Variants in GLDC observed in about 807,000 individuals in gnomAD.
GLDC encodes glycine decarboxylase, also known as glycine dehydrogenase (decarboxylating), mitochondrial.
In GLDC, 104 loss-of-function variants were observed where a neutral mutation model predicts 121.3. The ratio of observed to expected loss-of-function variants is 0.86; its 90% CI spans 0.73 to 1.01. The LOEUF (loss-of-function observed/expected upper bound fraction) is 1.01, where lower values mean the gene tolerates loss of function less well. Among genes scored for constraint, GLDC ranks in the 50% least tolerant of loss-of-function variants. The probability of loss-of-function intolerance (pLI) is 0.00; values close to 1 mark genes in which losing one functional copy is unlikely to be tolerated. For synonymous variants in GLDC, 546 were observed against 480.6 expected (o/e 1.14, Z -1.78); for missense variants, 1,429 against 1,306.6 (o/e 1.09, Z -1.44).
chr9:6,572,627 A>G (rs7027289), intron 15 of GLDC, among the ~76,000 whole-genome samples: 82,271 of 151,978 alleles, frequency 0.54, 22,775 homozygotes, highest in African/African-American at 0.6. Flanking sequence ...CTGGATGGAC[A>G]GACCAAAGGA....
intron 21 of GLDC, among the ~76,000 whole-genome samples, chr9:6,546,601 G>A (rs950186225): frequency 1.3e-5 from 2 of 151,976 alleles, no homozygotes; most frequent in South Asian, 2.1e-4. Context: ...AATACCTCCT[G>A]AAGGACCGCC....
intron 15 of GLDC, chr9:6,567,088 A>T (rs1037709798): frequency 6.6e-6 from 1 of 152,108 alleles, no homozygotes; most frequent in African/African-American, 2.4e-5. Flanking sequence ...TTCTAGCAGA[A>T]GTCTTGTCTG....
intron 3 of GLDC, 76 bp from the exon 4 acceptor site, chr9:6,610,432 T>A: frequency 3.5e-6 from 5 of 1,414,058 alleles, no homozygotes; most frequent in Non-Finnish European, 5.0e-6. Context: ...CATTTCAGAA[T>A]TCAGTACCTG....
At chr9:6,595,210 CA>C in intron 8 of GLDC, 91 bp from the exon 9 acceptor site, 1 of 869,472 alleles carries the variant, frequency 1.2e-6, no homozygotes. Context: ...AAACTGAAGA[CA>C]GCGACAAAAC....
intron 24 of GLDC, among the ~76,000 whole-genome samples, chr9:6,534,372 C>G (rs1053478426): frequency 6.7e-6 from 1 of 149,674 alleles, no homozygotes; most frequent in Non-Finnish European, 1.5e-5. Flanking sequence ...TACACAGAAC[C>G]TTCTCCTCCA....
chr9:6,540,247 T>C (rs1229444654), intron 21 of GLDC, 101 bp from the exon 22 acceptor site: 3 of 814,750 alleles, frequency 3.7e-6, no homozygotes, highest in Non-Finnish European at 6.5e-6. Context: ...CAGCTTTTTA[T>C]GTGTATCAGC....
intron 5 of GLDC, chr9:6,606,282 C>T: frequency 2.7e-6 from 1 of 365,232 alleles, no homozygotes; most frequent in South Asian, 2.4e-5. Context: ...TGCACTCCAG[C>T]CTGGACGACA....
At chr9:6,617,333 C>A (rs1357375670) in intron 3 of GLDC, among the ~76,000 whole-genome samples, 1 of 152,150 alleles carries the variant, frequency 6.6e-6, no homozygotes, top group Non-Finnish European at 1.5e-5. Context: ...ACTGGCTGCT[C>A]CTACGGTAAA....
chr9:6,587,735 G>T (rs1233861993), intron 14 of GLDC, among the ~76,000 whole-genome samples: 5 of 152,134 alleles, frequency 3.3e-5, no homozygotes, highest in African/African-American at 9.7e-5. Context: ...AGGCTGAGGT[G>T]GGAGGACTGC....
At chr9:6,584,914 G>C (rs902411814) in intron 15 of GLDC, 8 of 152,146 alleles carry the variant, frequency 5.3e-5, no homozygotes, top group African/African-American at 1.9e-4. Context: ...ATATGAATGA[G>C]AAAAATTAGG....
intron 11 of GLDC, 87 bp downstream of exon 11, chr9:6,592,056 C>A: frequency 1.2e-6 from 1 of 827,664 alleles, no homozygotes; most frequent in Non-Finnish European, 2.1e-6. Context: ...CACTTGGGCC[C>A]CTTCTCCCTC....
intron 8 of GLDC, among the ~76,000 whole-genome samples, chr9:6,596,001 G>A (rs940508622): frequency 4.6e-5 from 7 of 152,168 alleles, no homozygotes; most frequent in African/African-American, 1.7e-4. Flanking sequence ...CAGAAAACAT[G>A]GAAGTAGGCA....
At chr9:6,540,493 C>T (rs1448276736) in intron 21 of GLDC, 3 of 336,970 alleles carry the variant, frequency 8.9e-6, no homozygotes, top group Non-Finnish European at 1.7e-5. Flanking sequence ...AATCTACTTG[C>T]AACAGTTAAA....
Position 6,554,549 on chromosome 9 carries a change from C to G in GLDC, c.2315+120G>C, listed in dbSNP as rs111989422. The stretch of plus-strand genomic sequence containing the variant: ...GCTCCTCCCCCAGCCCCTACAAGTG[C>G]ACTACACCGATGAGGGTATCCTCAA... On this transcript the variant is annotated intron_variant, in intron 19 of 24. Coordinates refer to ENST00000321612, the MANE Select transcript of GLDC (RefSeq NM_000170.3). 155 of 775,306 alleles carry G rather than the reference C, an allele frequency of 2.0e-4. No individual in the cohort carries two copies. The African/African-American group carries it at 2.3e-3, about 11-fold the overall frequency. 48.0% of individuals were successfully genotyped at this position (775,306 alleles called of 1,614,324 possible).
chr9:6,615,802 T>A (rs1021039880), intron 3 of GLDC, among the ~76,000 whole-genome samples: 1 of 152,080 alleles, frequency 6.6e-6, no homozygotes, highest in Non-Finnish European at 1.5e-5. Context: ...TTTGTAGAGA[T>A]AGGGTTTTGC....
rs10975706 is a variant in GLDC at position 6,628,195 on chromosome 9, G to A, written c.335-7876C>T. Among the ~76,000 whole-genome samples, 159 of 152,286 alleles carry A rather than the reference G, an allele frequency of 1.0e-3. 1 individual carries two copies. Among genetic ancestry groups the A allele is most frequent in the African/African-American group, 3.6e-3 (149 of 41,556 alleles). On this transcript the variant is annotated intron_variant, in intron 2 of 24. Transcript: ENST00000321612. ...CGTGGAAAAGAGCTACCTTTCTAGA[G>A]GAAACAGTATGGGGTCCTTCAATCC...
Position 6,639,668 on chromosome 9 carries a change from A to AAAAATATATATATAT in GLDC, c.334+4945_334+4946insATATATATATATTTT. 6.8e-3 allele frequency: 1,699 copies of AAAAATATATATATAT among 250,362 alleles called. 50 individuals are homozygous for AAAAATATATATATAT. Among genetic ancestry groups the AAAAATATATATATAT allele is most frequent in the African/African-American group, 0.058 (1,119 of 19,200 alleles). 15.5% of individuals were successfully genotyped at this position (250,362 alleles called of 1,614,324 possible). A position where few individuals can be genotyped will look rare whatever the true frequency, so the allele number is the denominator to read the frequency against. Reference sequence around the variant, plus strand: ...ATATATCTTTTCACCATAAAAAAAAAGTATATATATATATATATATGGACA... The same window carrying AAAAATATATATATAT: ...ATATATCTTTTCACCATAAAAAAAAAAAAATATATATATATGTATATATATATATATATATGGACA... On this transcript the variant is annotated intron_variant, in intron 2 of 24. Coordinates refer to ENST00000321612, the MANE Select transcript of GLDC (RefSeq NM_000170.3).
chr9:6,593,050 C>T (rs139681855), intron 9 of GLDC, 60 bp from the exon 10 acceptor site: 34 of 1,556,234 alleles, frequency 2.2e-5, no homozygotes, highest in Non-Finnish European at 3.0e-5. Context: ...CAGCCATTGA[C>T]ATGTCACAGA....
intron 15 of GLDC, among the ~76,000 whole-genome samples, chr9:6,577,129 G>T (rs1289771728): frequency 1.3e-5 from 2 of 152,364 alleles, no homozygotes; most frequent in East Asian, 3.9e-4. Context: ...AGACAGCGCG[G>T]AAAGGCACAG....
Sources: allele counts gnomAD v4.1 joint callset (sites outside exome capture counted in the v4.1 genomes callset), GRCh38; gene constraint gnomAD v4.1.1; transcripts MANE v1.5; gene names NCBI Gene and HGNC (gene_info 2026-07-23, HGNC 2026-07-21).